The following EFNA5 variants were observed in gnomAD, a reference collection of about 807,000 sequenced individuals.
The protein encoded by EFNA5 is ephrin-A5.
Under a neutral mutation model 22.9 loss-of-function variants are expected in EFNA5, and 5 were observed. The ratio of observed to expected loss-of-function variants is 0.22; its 90% CI spans 0.11 to 0.46. EFNA5 has a LOEUF of 0.46. Among genes scored for constraint, EFNA5 ranks in the 20% least tolerant of loss-of-function variants. The probability of loss-of-function intolerance (pLI) is 0.99; values close to 1 mark genes in which losing one functional copy is unlikely to be tolerated. For missense variants in EFNA5, 237 were observed against 293.3 expected, an observed-to-expected ratio of 0.81 and a Z score of 1.40; for synonymous variants, 113 against 112.2, an observed-to-expected ratio of 1.01 and a Z score of -0.04.
chr5:107,388,683 G>C (rs1024049641), intron 2 of EFNA5: 1 of 152,156 alleles, frequency 6.6e-6, no homozygotes, highest in Non-Finnish European at 1.5e-5. Context: ...ATGCATCCTA[G>C]AAATGACAAA....
intron 1 of EFNA5, among the ~76,000 whole-genome samples, chr5:107,581,456 C>G (rs189160937): frequency 3.9e-5 from 6 of 152,284 alleles, no homozygotes; most frequent in Non-Finnish European, 5.9e-5. Context: ...AAAAATTCCA[C>G]TAGTCTACAG....
intron 1 of EFNA5, among the ~76,000 whole-genome samples, chr5:107,534,797 T>C (rs868626218): frequency 3.9e-5 from 6 of 152,168 alleles, no homozygotes; most frequent in South Asian, 2.1e-4. Context: ...CTAAACAGGA[T>C]ACTAGCAAAT....
In EFNA5 at chr5:107,486,437, A is replaced by G. The variant is rs1381450277; in HGVS notation, c.126-58928T>C. ...AAAGAACTTATGATGATAATTCTAA[A>G]AAAAAATGCATAACTACATAGTGGA... On this transcript the variant is annotated intron_variant, in intron 1 of 4. Coordinates refer to ENST00000333274, the MANE Select transcript of EFNA5 (RefSeq NM_001962.3). Among the ~76,000 whole-genome samples, 3 of 152,214 alleles carry G rather than the reference A, an allele frequency of 2.0e-5. No homozygotes were observed. In the East Asian group the frequency reaches 5.8e-4, roughly 29 times the overall value.
At chr5:107,602,952 T>G (rs1749634417) in intron 1 of EFNA5, among the ~76,000 whole-genome samples, 1 of 152,132 alleles carries the variant, frequency 6.6e-6, no homozygotes, top group Non-Finnish European at 1.5e-5. Context: ...GGAAAAATCA[T>G]AAAGAAGTCA....
At chr5:107,387,661 A>G (rs1446263108) in intron 3 of EFNA5, 45 bp downstream of exon 3, 2 of 1,410,088 alleles carry the variant, frequency 1.4e-6, no homozygotes, top group African/African-American at 2.9e-5. Context: ...ACAATAAAGC[A>G]TGCGCGGTGA....
intron 1 of EFNA5, among the ~76,000 whole-genome samples, chr5:107,549,900 A>C (rs1407638573): frequency 6.6e-6 from 1 of 152,184 alleles, no homozygotes. Flanking sequence ...CAGAAATAGC[A>C]CCTCTCAAAT....
intron 1 of EFNA5, among the ~76,000 whole-genome samples, chr5:107,490,805 G>T (rs1011517838): frequency 6.6e-6 from 1 of 152,182 alleles, no homozygotes; most frequent in African/African-American, 2.4e-5. Flanking sequence ...ATCCAGTGGG[G>T]AAAAGCACCT....
chr5:107,618,920 C>T (rs1022601277), intron 1 of EFNA5, among the ~76,000 whole-genome samples: 5 of 151,794 alleles, frequency 3.3e-5, no homozygotes, highest in African/African-American at 1.2e-4. Flanking sequence ...CAGTTGTGTA[C>T]TCTTTTTTTT....
rs1205251892 is a variant in EFNA5, at chr5:107,387,309, C to G, written c.491G>C (p.Cys164Ser). ...ATCATGAACACCTATAGTTTTCATACAGCTATCTATAACAAAAATAGAGAT... is the reference window on the plus strand; with the variant it reads ...ATCATGAACACCTATAGTTTTCATAGAGCTATCTATAACAAAAATAGAGAT... The part of the protein sequence containing the change: ...LKVFVRPTNS[C>S]MKTIGVHDRV... Residue 164 changes from cysteine to serine, a missense_variant, in exon 4 of 5, where the codon TGT (cysteine) becomes TCT (serine). Physicochemically the swap from Cys to Ser is moderately radical, Grantham distance 112 (BLOSUM62 -1). Transcript: ENST00000333274. 6.3e-7 allele frequency: 1 copy of G among 1,594,522 alleles called. No homozygotes were observed. Among genetic ancestry groups the G allele is most frequent in the Non-Finnish European group, 8.6e-7 (1 of 1,167,600 alleles).
intron 1 of EFNA5, among the ~76,000 whole-genome samples, chr5:107,594,864 C>G (rs908551423): frequency 1.2e-4 from 18 of 152,202 alleles, no homozygotes; most frequent in African/African-American, 4.1e-4. Context: ...GCATTTAGGC[C>G]TTTCCATTGC....
intron 1 of EFNA5, among the ~76,000 whole-genome samples, chr5:107,529,009 A>G (rs1326737064): frequency 1.3e-5 from 2 of 152,120 alleles, no homozygotes; most frequent in African/African-American, 2.4e-5. Flanking sequence ...GTGTACATGT[A>G]TTTGCTTGGC....
At chr5:107,645,671 A>C (rs1302081849) in intron 1 of EFNA5, among the ~76,000 whole-genome samples, 3 of 152,230 alleles carry the variant, frequency 2.0e-5, no homozygotes, top group African/African-American at 7.2e-5. Context: ...ACATATACTT[A>C]AAGTCATGAA....
intron 1 of EFNA5, among the ~76,000 whole-genome samples, chr5:107,611,163 C>G (rs1280182448): frequency 6.6e-6 from 1 of 152,000 alleles, no homozygotes; most frequent in Non-Finnish European, 1.5e-5. Flanking sequence ...CTTTATCACT[C>G]CACCACGCAT....
At chr5:107,433,544 T>C (rs1012253144) in intron 1 of EFNA5, among the ~76,000 whole-genome samples, 1 of 152,234 alleles carries the variant, frequency 6.6e-6, no homozygotes, top group Non-Finnish European at 1.5e-5. Context: ...AGTGTTTACC[T>C]GATGACATTC....
intron 2 of EFNA5, among the ~76,000 whole-genome samples, chr5:107,399,319 G>A (rs10065150): frequency 0.057 from 685 of 12,026 alleles, 11 homozygotes; most frequent in African/African-American, 0.13. Flanking sequence ...GGAAGGAAAC[G>A]GAAAGGAAAG....
intron 1 of EFNA5, among the ~76,000 whole-genome samples, chr5:107,654,391 AC>A (rs1750786229): frequency 6.6e-6 from 1 of 152,104 alleles, no homozygotes; most frequent in African/African-American, 2.4e-5. Context: ...ACCCAAAGTG[AC>A]AGTTGGGAAA....
intron 1 of EFNA5, among the ~76,000 whole-genome samples, chr5:107,526,593 A>G (rs1747699549): frequency 6.6e-6 from 1 of 152,202 alleles, no homozygotes. Context: ...TCAGTCATGG[A>G]TTATAAATAG....
chr5:107,670,357 T>C, intron 1 of EFNA5, 132 bp downstream of exon 1: 5 of 1,236,902 alleles, frequency 4.0e-6, no homozygotes, highest in Non-Finnish European at 5.3e-6. Flanking sequence ...CCTCAAGCCA[T>C]CAGCGCCCGG....
At chr5:107,551,911 A>C (rs1281809622) in intron 1 of EFNA5, among the ~76,000 whole-genome samples, 1 of 152,220 alleles carries the variant, frequency 6.6e-6, no homozygotes, top group Non-Finnish European at 1.5e-5. Flanking sequence ...GCTTTTAAAA[A>C]AAAAAGGCTG....
Sources: allele counts gnomAD v4.1 joint callset (sites outside exome capture counted in the v4.1 genomes callset), GRCh38; gene constraint gnomAD v4.1.1; transcripts MANE v1.5; gene names NCBI Gene and HGNC (gene_info 2026-07-23, HGNC 2026-07-21).